NXPE2: variants seen among roughly 807,000 people sequenced by gnomAD.
NXPE2 encodes neurexophilin and PC-esterase domain family member 2.
In NXPE2, 34 loss-of-function variants were observed where a neutral mutation model predicts 34.4. The ratio of observed to expected loss-of-function variants is 0.99; its 90% CI spans 0.75 to 1.31. The LOEUF (loss-of-function observed/expected upper bound fraction) is 1.31, where lower values mean the gene tolerates loss of function less well. NXPE2 is among the 40% of genes most tolerant of loss of function. NXPE2 has a pLI of 0.00. For missense variants in NXPE2, 649 were observed against 672.5 expected, an observed-to-expected ratio of 0.97 and a Z score of 0.39; for synonymous variants, 235 against 231.3, an observed-to-expected ratio of 1.02 and a Z score of -0.15.
At chr11:114,665,181 C>T in the NXPE2 span, among the ~76,000 whole-genome samples, 1 of 152,052 alleles carries the variant, frequency 6.6e-6, no homozygotes, top group Non-Finnish European at 1.5e-5. Flanking sequence ...ATGCCATTAT[C>T]TTAGCAAAAT....
At chr11:114,744,572 G>A in the NXPE2 span, among the ~76,000 whole-genome samples, 1 of 152,136 alleles carries the variant, frequency 6.6e-6, no homozygotes, top group African/African-American at 2.4e-5. Flanking sequence ...ACTTTGGGAG[G>A]CTGCGGCGGG....
chr11:114,530,278 A>T, the NXPE2 span: 11 of 1,614,226 alleles, frequency 6.8e-6, no homozygotes, highest in Non-Finnish European at 9.3e-6. Flanking sequence ...GGCTTCATAC[A>T]ATAGAAGGCT....
the NXPE2 span, among the ~76,000 whole-genome samples, chr11:114,775,376 C>T: frequency 6.6e-6 from 1 of 152,188 alleles, no homozygotes; most frequent in African/African-American, 2.4e-5. Context: ...CTGGAGAAAG[C>T]AGTTGTTAGG....
At chr11:114,495,944 C>T in the NXPE2 span, among the ~76,000 whole-genome samples, 3 of 152,072 alleles carry the variant, frequency 2.0e-5, no homozygotes, top group Admixed American at 1.3e-4. Flanking sequence ...AAATAAGTCT[C>T]TCCTGGAGCT....
At chr11:114,727,996 C>A in the NXPE2 span, among the ~76,000 whole-genome samples, 6 of 152,024 alleles carry the variant, frequency 3.9e-5, no homozygotes, top group Admixed American at 2.0e-4. Context: ...AAGGCTGATT[C>A]CTTCTGGAGA....
the NXPE2 span, among the ~76,000 whole-genome samples, chr11:114,728,562 T>C: frequency 1.6e-4 from 24 of 152,116 alleles, no homozygotes; most frequent in Admixed American, 1.3e-4. Flanking sequence ...ATTTTCTTTC[T>C]GGAGATTTCC....
At chr11:114,499,966 T>A in the NXPE2 span, among the ~76,000 whole-genome samples, 9 of 152,070 alleles carry the variant, frequency 5.9e-5, no homozygotes, top group African/African-American at 2.2e-4. Context: ...TTTTTTTTTT[T>A]AATTGCTGAG....
chr11:114,657,408 G>A, the NXPE2 span, among the ~76,000 whole-genome samples: 6 of 152,038 alleles, frequency 3.9e-5, no homozygotes, highest in Non-Finnish European at 5.9e-5. Context: ...TTTGAATGTA[G>A]GCAATAAAGC....
chr11:114,806,255 C>T, the NXPE2 span, among the ~76,000 whole-genome samples: 1 of 152,116 alleles, frequency 6.6e-6, no homozygotes, highest in Non-Finnish European at 1.5e-5. Context: ...AAAAACAGAG[C>T]AGAAAAACTG....
the NXPE2 span, among the ~76,000 whole-genome samples, chr11:114,784,902 T>C: frequency 6.6e-6 from 1 of 151,802 alleles, no homozygotes; most frequent in Non-Finnish European, 1.5e-5. Flanking sequence ...GTTTTGGGGG[T>C]GGGGAAGATT....
the NXPE2 span, among the ~76,000 whole-genome samples, chr11:114,799,225 G>A: frequency 6.9e-6 from 1 of 144,890 alleles, no homozygotes; most frequent in South Asian, 2.2e-4. Flanking sequence ...TTGGGTATTT[G>A]TGATAATTAA....
the NXPE2 span, among the ~76,000 whole-genome samples, chr11:114,537,765 C>T: frequency 6.6e-6 from 1 of 151,780 alleles, no homozygotes; most frequent in African/African-American, 2.4e-5. Context: ...CAAACCACTG[C>T]TCAATGAAAT....
chr11:114,632,244 A>G, the NXPE2 span, among the ~76,000 whole-genome samples: 1 of 140,056 alleles, frequency 7.1e-6, no homozygotes, highest in African/African-American at 2.6e-5. Flanking sequence ...ATATATGTAT[A>G]TGTGTATATA....
chr11:114,717,968 C>T, the NXPE2 span, among the ~76,000 whole-genome samples: 4 of 152,140 alleles, frequency 2.6e-5, no homozygotes, highest in African/African-American at 7.2e-5. Flanking sequence ...ATGTCTATCA[C>T]GGGAGAATGT....
chr11:114,539,540 A>G, the NXPE2 span, among the ~76,000 whole-genome samples: 15 of 152,202 alleles, frequency 9.9e-5, no homozygotes, highest in Non-Finnish European at 1.8e-4. Flanking sequence ...AAGATGTAGC[A>G]CTTTGAAATG....
chr11:114,792,487 C>T, the NXPE2 span, among the ~76,000 whole-genome samples: 1 of 152,182 alleles, frequency 6.6e-6, no homozygotes, highest in Admixed American at 6.5e-5. Context: ...CTGCTCCCAG[C>T]TACAAATCAG....
At chr11:114,581,746 T>C in the NXPE2 span, 4 of 1,612,008 alleles carry the variant, frequency 2.5e-6, no homozygotes, top group African/African-American at 1.3e-5. Flanking sequence ...GAGACACTAA[T>C]TGTATTGAAT....
At chr11:114,561,736 G>C in the NXPE2 span, among the ~76,000 whole-genome samples, 1 of 151,946 alleles carries the variant, frequency 6.6e-6, no homozygotes, top group Admixed American at 6.6e-5. Context: ...CTTCATCCTT[G>C]GTATTATGAA....
the NXPE2 span, among the ~76,000 whole-genome samples, chr11:114,751,632 G>T: frequency 6.6e-6 from 1 of 152,060 alleles, no homozygotes; most frequent in Non-Finnish European, 1.5e-5. Context: ...ATTTCAGTCG[G>T]GAAAGCCTGC....
Sources: gnomAD v4.1 joint callset for allele counts (sites outside exome capture counted in the v4.1 genomes callset) on GRCh38, gnomAD v4.1.1 for gene constraint, MANE v1.5 for transcripts, NCBI Gene and HGNC (gene_info 2026-07-23, HGNC 2026-07-21) for gene names.